Variants in ARHGEF11 observed in about 807,000 individuals in gnomAD.
ARHGEF11 encodes Rho guanine nucleotide exchange factor 11.
A neutral mutation model predicts 193.7 loss-of-function variants in ARHGEF11; 55 were observed. That is an observed-to-expected ratio of 0.28 (90% CI 0.23 to 0.36). The LOEUF (loss-of-function observed/expected upper bound fraction) is 0.36. Ranked by LOEUF, ARHGEF11 falls within the 10% of genes least tolerant of loss-of-function variation. ARHGEF11 has a pLI of 1.00. For missense variants in ARHGEF11, 1,723 were observed against 2,005.6 expected, an observed-to-expected ratio of 0.86 and a Z score of 2.69; for synonymous variants, 693 against 768.0, an observed-to-expected ratio of 0.90 and a Z score of 1.62.
At position 156,938,509 on chromosome 1, in the gene ARHGEF11, C is replaced by T; in HGVS notation, c.4101G>A (p.Glu1367=). The T allele has an allele frequency of 6.2e-7, 1 of 1,612,608 alleles. No homozygotes were observed. Among genetic ancestry groups the T allele is most frequent in the Non-Finnish European group, 8.5e-7 (1 of 1,179,042 alleles). The change falls in exon 38 of 41, where the codon GAG becomes GAA. Residue 1367 remains glutamate (E), a synonymous_variant. Coordinates refer to ENST00000368194, the MANE Select transcript of ARHGEF11 (RefSeq NM_198236.3). The part of the protein sequence containing the change: ...AGGYKVVRKA[E]VAGSKVVPAL... ...CAGGGACAACCTTGCTGCCTGCCACCTCAGCTGCACCGACACCACCACCAC... is the reference window on the plus strand; with the variant it reads ...CAGGGACAACCTTGCTGCCTGCCACTTCAGCTGCACCGACACCACCACCAC...
At chr1:156,969,439 C>T (rs919619153) in intron 9 of ARHGEF11, 81 bp from the exon 10 acceptor site, 48 of 1,374,142 alleles carry the variant, frequency 3.5e-5, no homozygotes, top group Non-Finnish European at 4.9e-5. Flanking sequence ...CACCTGTGTG[C>T]AGGGCAGGAA....
chr1:156,970,992 C>G (rs148799940), intron 8 of ARHGEF11, among the ~76,000 whole-genome samples: 2 of 152,302 alleles, frequency 1.3e-5, no homozygotes, highest in East Asian at 3.9e-4. Flanking sequence ...CTTTTTTGAT[C>G]TGGATATCCT....
At chr1:156,996,779 A>AAAT in intron 1 of ARHGEF11, among the ~76,000 whole-genome samples, 1 of 148,938 alleles carries the variant, frequency 6.7e-6, no homozygotes, top group Non-Finnish European at 1.5e-5. Flanking sequence ...TCTCAAAAAA[A>AAAT]AAAAAAAAAA....
chr1:156,984,465 C>G, intron 2 of ARHGEF11, 28 bp from the exon 3 acceptor site: 1 of 1,540,436 alleles, frequency 6.5e-7, no homozygotes, highest in Non-Finnish European at 8.8e-7. Flanking sequence ...AGGTTGAGTA[C>G]GCAGTGTCAC....
At chr1:156,958,956 G>C in intron 16 of ARHGEF11, 90 bp downstream of exon 16, 2 of 1,609,066 alleles carry the variant, frequency 1.2e-6, no homozygotes, top group Non-Finnish European at 1.7e-6. Flanking sequence ...CATATAACAA[G>C]AGATATGTGC....
At chr1:156,949,095 T>C in intron 22 of ARHGEF11, 1 of 985,448 alleles carries the variant, frequency 1.0e-6, no homozygotes, top group East Asian at 1.1e-4. Flanking sequence ...AGTTGTGATG[T>C]GGATGAGTTC....
At chr1:156,995,595 G>A (rs1369655154) in intron 1 of ARHGEF11, among the ~76,000 whole-genome samples, 1 of 146,978 alleles carries the variant, frequency 6.8e-6, no homozygotes, top group Non-Finnish European at 1.5e-5. Flanking sequence ...TCACTCTGTT[G>A]CCCAGGCTGG....
At chr1:157,041,348 C>T (rs1464025512) in intron 1 of ARHGEF11, among the ~76,000 whole-genome samples, 1 of 152,168 alleles carries the variant, frequency 6.6e-6, no homozygotes, top group Non-Finnish European at 1.5e-5. Flanking sequence ...CACTTTAGCC[C>T]ATCTTTCAGT....
chr1:156,970,169 G>T, intron 8 of ARHGEF11, 126 bp from the exon 9 acceptor site: 1 of 753,826 alleles, frequency 1.3e-6, no homozygotes, highest in Non-Finnish European at 2.3e-6. Context: ...CCTCAAAAAT[G>T]CCCAGCTAGA....
chr1:156,958,634 G>T, intron 17 of ARHGEF11, 108 bp downstream of exon 17: 1 of 1,498,616 alleles, frequency 6.7e-7, no homozygotes, highest in Non-Finnish European at 9.1e-7. Flanking sequence ...AGGGGCAGGA[G>T]AATCAGGCAA....
At position 156,942,074 on chromosome 1, in the gene ARHGEF11, G is replaced by A. The variant is rs186667611; in HGVS notation, c.3327-85C>T. 2.0e-3 allele frequency: 3,279 copies of A among 1,599,756 alleles called. 8 individuals carry two copies. The highest frequency in any genetic ancestry group is 3.9e-3 in the Admixed American group (231 of 59,632). On this transcript the variant is annotated intron_variant, in intron 33 of 40. Coordinates refer to ENST00000368194, the MANE Select transcript of ARHGEF11 (RefSeq NM_198236.3). ...CCCGTACTGAGCCCACTGGAACAGG[G>A]CTTCCAGGCCCTAAGAACCCTCTGC...
intron 19 of ARHGEF11, among the ~76,000 whole-genome samples, 168 bp downstream of exon 19, chr1:156,956,252 G>A (rs1213712793): frequency 1.3e-5 from 2 of 152,086 alleles, no homozygotes; most frequent in Non-Finnish European, 2.9e-5. Context: ...GATTAGCTGG[G>A]GTTATAGGCA....
Position 156,947,236 on chromosome 1 carries a change from G to T in ARHGEF11, c.2488+68C>A, listed in dbSNP as rs1052920357. 72 of 1,551,732 alleles carry T rather than the reference G, an allele frequency of 4.6e-5. No homozygotes were observed. In the African/African-American group the frequency reaches 9.3e-4, roughly 20 times the overall value. On this transcript the variant is annotated intron_variant, in intron 26 of 40. Coordinates refer to ENST00000368194, the MANE Select transcript of ARHGEF11 (RefSeq NM_198236.3). ...ACCTACTCAGGGAGGTCCTGGCAGT[G>T]GGGCCAAAGTGGAACAGGAAGCTGA... is the stretch of plus-strand genomic sequence containing the variant.
chr1:156,955,549 C>A (rs995367683), intron 20 of ARHGEF11, among the ~76,000 whole-genome samples, 154 bp downstream of exon 20: 2 of 152,158 alleles, frequency 1.3e-5, no homozygotes, highest in Non-Finnish European at 2.9e-5. Context: ...AGATCCTGCA[C>A]TGGATTTGGC....
intron 9 of ARHGEF11, 97 bp from the exon 10 acceptor site, chr1:156,969,455 A>C: frequency 1.8e-6 from 2 of 1,141,720 alleles, no homozygotes; most frequent in East Asian, 5.1e-5. Flanking sequence ...AGGAAGAGGG[A>C]GCTGCCACCT....
At chr1:156,997,936 C>A (rs1159289136) in intron 1 of ARHGEF11, among the ~76,000 whole-genome samples, 3 of 151,914 alleles carry the variant, frequency 2.0e-5, no homozygotes, top group African/African-American at 7.3e-5. Context: ...CTGGTCTGGC[C>A]TCCTTTGGCC....
rs12138039 is a variant in ARHGEF11 at position 156,948,345 on chromosome 1, C to T, written c.2079G>A (p.Ser693=). ...AEATRLHQSA[S]SSTSSLSTRS... is the part of the protein sequence containing the mutation. The stretch of plus-strand genomic sequence containing the variant: ...TGGTGGAGAGGCTGGAGGTAGAGGA[C>T]GAGGCTGACTGGTGCAGGCGAGTAG... Residue 693 remains serine, a synonymous_variant, in exon 23 of 41, where the codon TCG becomes TCA. Coordinates refer to ENST00000368194, the MANE Select transcript of ARHGEF11 (RefSeq NM_198236.3). This position sits in a 1 kb window ranked among gnomAD's most constrained non-coding sequence, Gnocchi z 4.2. 69,355 of 1,614,124 alleles carry T rather than the reference C, an allele frequency of 0.043. 1,825 individuals are homozygous for T. The highest frequency in any genetic ancestry group is 0.048 in the Non-Finnish European group (56,918 of 1,180,012).
intron 36 of ARHGEF11, 38 bp downstream of exon 36, chr1:156,940,169 G>C (rs749172413): frequency 9.1e-6 from 14 of 1,534,316 alleles, no homozygotes; most frequent in Admixed American, 2.0e-5. Context: ...TGTGCGACTG[G>C]GGACCAGGGG....
chr1:156,957,578 A>G (rs1660146443), intron 18 of ARHGEF11, among the ~76,000 whole-genome samples: 1 of 152,208 alleles, frequency 6.6e-6, no homozygotes, highest in African/African-American at 2.4e-5. Context: ...CCACATCCCC[A>G]GGCAGTGATC....
Sources: gnomAD v4.1 joint callset for allele counts (sites outside exome capture counted in the v4.1 genomes callset) on GRCh38, gnomAD v4.1.1 for gene constraint, Gnocchi (gnomAD v3.1) non-coding constraint, MANE v1.5 for transcripts, NCBI Gene and HGNC (gene_info 2026-07-23, HGNC 2026-07-21) for gene names.